DENND1B: variants seen among roughly 807,000 people sequenced by gnomAD.
The protein encoded by DENND1B is DENN domain containing 1B.
A neutral mutation model predicts 90.1 loss-of-function variants in DENND1B; 59 were observed. The ratio of observed to expected loss-of-function variants is 0.65; its 90% CI spans 0.53 to 0.81. DENND1B has a LOEUF of 0.81. DENND1B is among the 40% of genes least tolerant of loss of function. The probability of loss-of-function intolerance (pLI) is 0.00; values close to 1 mark genes in which losing one functional copy is unlikely to be tolerated. For synonymous variants in DENND1B, 337 were observed against 324.6 expected, an observed-to-expected ratio of 1.04 and a Z score of -0.41; for missense variants, 862 against 912.6, an observed-to-expected ratio of 0.94 and a Z score of 0.71.
At chr1:197,586,934 G>A (rs759128156) in intron 14 of DENND1B, among the ~76,000 whole-genome samples, 3 of 152,072 alleles carry the variant, frequency 2.0e-5, no homozygotes, top group Non-Finnish European at 4.4e-5. Flanking sequence ...CAAAGATGAG[G>A]GTTGAACACA....
chr1:197,624,851 C>T (rs1483166700), intron 10 of DENND1B, among the ~76,000 whole-genome samples: 4 of 151,632 alleles, frequency 2.6e-5, no homozygotes, highest in South Asian at 2.1e-4. Flanking sequence ...AGCCAAGGCT[C>T]GAGAACTATG....
chr1:197,598,049 T>C (rs1675868716), intron 13 of DENND1B, among the ~76,000 whole-genome samples: 1 of 151,910 alleles, frequency 6.6e-6, no homozygotes. Flanking sequence ...AACACAATCA[T>C]ACATGTGGCT....
intron 7 of DENND1B, among the ~76,000 whole-genome samples, chr1:197,648,318 C>G (rs1680916802): frequency 6.6e-6 from 1 of 152,156 alleles, no homozygotes; most frequent in Non-Finnish European, 1.5e-5. Flanking sequence ...ACTTTCTTGA[C>G]TAACATTACA....
intron 5 of DENND1B, among the ~76,000 whole-genome samples, chr1:197,663,550 A>G (rs1273558027): frequency 6.6e-6 from 1 of 152,144 alleles, no homozygotes; most frequent in Non-Finnish European, 1.5e-5. Flanking sequence ...GTTTAATTAA[A>G]TAAGTTGCCA....
intron 16 of DENND1B, chr1:197,552,119 C>G: frequency 2.9e-6 from 2 of 690,338 alleles, no homozygotes; most frequent in Non-Finnish European, 3.6e-6. Context: ...TACGTTTTGT[C>G]TTTTCATGTG....
upstream of DENND1B, among the ~76,000 whole-genome samples, chr1:197,779,768 T>TA (rs202102779): frequency 7.8e-3 from 1,183 of 151,678 alleles, 12 homozygotes; most frequent in African/African-American, 0.024. Flanking sequence ...TTTAATTTAT[T>TA]AAAAATATTT....
At chr1:197,659,197 G>A (rs919406668) in intron 5 of DENND1B, among the ~76,000 whole-genome samples, 2 of 151,436 alleles carry the variant, frequency 1.3e-5, no homozygotes, top group East Asian at 1.9e-4. Context: ...AGAAAATATT[G>A]TGATGCTTTT....
chr1:197,720,438 G>T (rs916079230), intron 2 of DENND1B, among the ~76,000 whole-genome samples: 1 of 151,484 alleles, frequency 6.6e-6, no homozygotes, highest in African/African-American at 2.4e-5. Flanking sequence ...ATGAGGTCTC[G>T]CTATGTTACC....
At chr1:197,642,846 T>G in intron 9 of DENND1B, 25 bp from the exon 10 acceptor site, 4 of 1,544,018 alleles carry the variant, frequency 2.6e-6, no homozygotes, top group Non-Finnish European at 3.6e-6. Context: ...GATAATTGTG[T>G]AAGTTACAGC....
intron 2 of DENND1B, among the ~76,000 whole-genome samples, chr1:197,726,723 C>CA (rs1361610824): frequency 5.9e-5 from 9 of 152,054 alleles, no homozygotes; most frequent in Non-Finnish European, 1.2e-4. Context: ...ATGAATACCT[C>CA]AAAATGGGAT....
intron 15 of DENND1B, among the ~76,000 whole-genome samples, chr1:197,564,218 AATGCTATCAAATAGCACCAT>A (rs1246009387): frequency 3.6e-4 from 54 of 151,790 alleles, no homozygotes; most frequent in African/African-American, 1.1e-3. Context: ...CTGTGGATAA[AATGCTATCAAATAGCACCAT>A]ATGCTACAAA....
chr1:197,626,270 A>G (rs935788172), intron 10 of DENND1B, among the ~76,000 whole-genome samples: 16 of 152,116 alleles, frequency 1.1e-4, no homozygotes, highest in Admixed American at 2.0e-4. Context: ...ACATAGTTGG[A>G]AGTAAAGCTC....
At chr1:197,587,063 C>G (rs1674763472) in intron 14 of DENND1B, among the ~76,000 whole-genome samples, 1 of 152,128 alleles carries the variant, frequency 6.6e-6, no homozygotes, top group Non-Finnish European at 1.5e-5. Context: ...CTGTGAAATA[C>G]ATGAAGATAT....
chr1:197,654,369 T>TG (rs1003035767), intron 6 of DENND1B, among the ~76,000 whole-genome samples: 77 of 152,152 alleles, frequency 5.1e-4, no homozygotes, highest in African/African-American at 1.6e-3. Flanking sequence ...CCCAGCACTT[T>TG]GGGGGGCTGA....
chr1:197,587,646 G>T (rs1234149409), intron 14 of DENND1B, among the ~76,000 whole-genome samples: 1 of 152,116 alleles, frequency 6.6e-6, no homozygotes, highest in African/African-American at 2.4e-5. Context: ...TATGGCAGTG[G>T]TCCCCAAACT....
intron 3 of DENND1B, among the ~76,000 whole-genome samples, chr1:197,691,273 A>G (rs1397807050): frequency 6.6e-6 from 1 of 151,974 alleles, no homozygotes; most frequent in Non-Finnish European, 1.5e-5. Flanking sequence ...AAAAAAAAAA[A>G]AAGACCTGAT....
chr1:197,519,747 T>G (rs1256092297), intron 20 of DENND1B, among the ~76,000 whole-genome samples: 1 of 151,880 alleles, frequency 6.6e-6, no homozygotes, highest in African/African-American at 2.4e-5. Flanking sequence ...TGATGGAAGA[T>G]GTAGCAATAT....
intron 3 of DENND1B, among the ~76,000 whole-genome samples, chr1:197,701,547 C>A (rs561719118): frequency 3.3e-5 from 5 of 151,394 alleles, no homozygotes; most frequent in Non-Finnish European, 7.4e-5. Flanking sequence ...TCCCCCCCTT[C>A]CCCGGCTTTT....
At chr1:197,543,063 T>C (rs1163223972) in intron 18 of DENND1B, among the ~76,000 whole-genome samples, 13 of 152,004 alleles carry the variant, frequency 8.6e-5, no homozygotes, top group Non-Finnish European at 1.2e-4. Context: ...GCCTCCCAAG[T>C]AGCTGGGACC....
Sources: gnomAD v4.1 joint callset for allele counts (sites outside exome capture counted in the v4.1 genomes callset) on GRCh38, gnomAD v4.1.1 for gene constraint, MANE v1.5 for transcripts, NCBI Gene and HGNC (gene_info 2026-07-23, HGNC 2026-07-21) for gene names.